TTC39C: variants seen among roughly 807,000 people sequenced by gnomAD.
TTC39C encodes the protein tetratricopeptide repeat domain 39C.
Under a neutral mutation model 76.3 loss-of-function variants are expected in TTC39C, and 33 were observed. That is an observed-to-expected ratio of 0.43 (90% CI 0.33 to 0.58). The LOEUF is 0.58. TTC39C is among the 20% of genes least tolerant of loss of function. The pLI is 0.04. For synonymous variants in TTC39C, 254 were observed against 260.6 expected, an observed-to-expected ratio of 0.97 and a Z score of 0.24; for missense variants, 595 against 701.4, an observed-to-expected ratio of 0.85 and a Z score of 1.71.
intron 6 of TTC39C, among the ~76,000 whole-genome samples, chr18:24,109,258 A>T (rs889370842): frequency 1.3e-5 from 2 of 151,304 alleles, no homozygotes; most frequent in Non-Finnish European, 2.9e-5. Context: ...CAGGAGGCTG[A>T]GGTGGGAGGA....
At chr18:24,045,909 ATATATATATATATATATATTTTTTTTTTT>A (rs2083867280) in intron 1 of TTC39C, among the ~76,000 whole-genome samples, 1 of 38,128 alleles carries the variant, frequency 2.6e-5, no homozygotes, top group Non-Finnish European at 4.0e-5. Context: ...ATATATATAT[ATATATATATATATATATATTTTTTTTTTT>A]TTTTTTTTTT....
intron 6 of TTC39C, among the ~76,000 whole-genome samples, chr18:24,097,755 T>G (rs1391397034): frequency 2.0e-5 from 3 of 152,348 alleles, no homozygotes. Context: ...TTTTGTAAAG[T>G]GTCAGTGATT....
At chr18:24,112,625 T>A (rs867266336) in intron 6 of TTC39C, among the ~76,000 whole-genome samples, 2 of 152,212 alleles carry the variant, frequency 1.3e-5, no homozygotes, top group Non-Finnish European at 2.9e-5. Flanking sequence ...AGTAAATGTT[T>A]CCTGATTAAT....
rs369325287 is a variant in TTC39C at position 24,125,557 on chromosome 18, A to C, written c.1420+7A>C. 13 of 1,613,936 alleles carry C rather than the reference A, an allele frequency of 8.1e-6. No individual in the cohort carries two copies. The highest frequency in any genetic ancestry group is 1.3e-5 in the African/African-American group (1 of 74,902). ...CTGCAGAGGATGAGTCAAGGTAAAA[A>C]ATTTAAAAAAACCCAAAACTGTCTA... On this transcript the variant is annotated splice_region_variant and intron_variant, in intron 10 of 13. Transcript: ENST00000317571.
intron 1 of TTC39C, among the ~76,000 whole-genome samples, chr18:24,030,811 C>T (rs1249706577): frequency 1.3e-5 from 2 of 152,144 alleles, no homozygotes; most frequent in African/African-American, 4.8e-5. Flanking sequence ...CCCACCACTA[C>T]GCCCGGCTAA....
At chr18:24,043,274 A>G (rs1290598972) in intron 1 of TTC39C, among the ~76,000 whole-genome samples, 1 of 151,990 alleles carries the variant, frequency 6.6e-6, no homozygotes, top group Admixed American at 6.6e-5. Context: ...AGGTGGGAGG[A>G]TTGCTTAAGT....
intron 1 of TTC39C, among the ~76,000 whole-genome samples, chr18:24,051,104 A>G (rs1180675613): frequency 6.6e-6 from 1 of 152,094 alleles, no homozygotes; most frequent in Non-Finnish European, 1.5e-5. Context: ...CTCATTAATG[A>G]TCTACCTGTA....
intron 4 of TTC39C, among the ~76,000 whole-genome samples, chr18:24,073,632 C>T (rs2084267942): frequency 6.6e-6 from 1 of 152,158 alleles, no homozygotes; most frequent in South Asian, 2.1e-4. Flanking sequence ...CCTCTTGCCT[C>T]AGCCTCCTGA....
At chr18:24,019,105 T>G (rs1373402415) in intron 1 of TTC39C, among the ~76,000 whole-genome samples, 2 of 152,194 alleles carry the variant, frequency 1.3e-5, no homozygotes, top group African/African-American at 4.8e-5. Flanking sequence ...AACAGAGGAC[T>G]GGCAGTAATG....
chr18:24,092,092 C>CA (rs74171390), intron 6 of TTC39C, among the ~76,000 whole-genome samples: 4 of 67,600 alleles, frequency 5.9e-5, no homozygotes, highest in East Asian at 5.3e-4. Context: ...GACTCAGTCT[C>CA]AAAAAAAAAA....
At chr18:24,081,314 G>T (rs754659623) in intron 5 of TTC39C, among the ~76,000 whole-genome samples, 4 of 152,132 alleles carry the variant, frequency 2.6e-5, no homozygotes, top group Non-Finnish European at 5.9e-5. Context: ...TTCTTATAAA[G>T]AATTCTCACA....
intron 6 of TTC39C, among the ~76,000 whole-genome samples, chr18:24,101,528 C>T (rs1393332357): frequency 6.6e-6 from 1 of 150,706 alleles, no homozygotes. Context: ...CACTGCACTC[C>T]AGCCTGGCGA....
At chr18:24,086,309 G>A (rs1005778099) in intron 6 of TTC39C, among the ~76,000 whole-genome samples, 2 of 152,168 alleles carry the variant, frequency 1.3e-5, no homozygotes, top group South Asian at 4.1e-4. Context: ...GTGTAAGCTT[G>A]CTAACATGCA....
intron 10 of TTC39C, among the ~76,000 whole-genome samples, chr18:24,127,475 C>T (rs137858200): frequency 2.5e-4 from 38 of 152,242 alleles, no homozygotes; most frequent in Admixed American, 7.2e-4. Flanking sequence ...ACCCACCTGC[C>T]CTTCTCCACT....
At chr18:24,001,255 T>C (rs1197489596) in intron 1 of TTC39C, among the ~76,000 whole-genome samples, 1 of 152,186 alleles carries the variant, frequency 6.6e-6, no homozygotes, top group Non-Finnish European at 1.5e-5. Context: ...AAAAGCAGGG[T>C]TCTTACCTGC....
At chr18:24,117,390 C>G (rs2084907611) in intron 7 of TTC39C, among the ~76,000 whole-genome samples, 1 of 152,064 alleles carries the variant, frequency 6.6e-6, no homozygotes, top group South Asian at 2.1e-4. Flanking sequence ...GGCTTGCTGT[C>G]TAGATCTTAT....
chr18:24,132,812 G>T lies in TTC39C; in HGVS notation c.*238G>T. The T allele has an allele frequency of 2.6e-6, 1 of 386,944 alleles. No individual in the cohort carries two copies. Among genetic ancestry groups the T allele is most frequent in the Non-Finnish European group, 4.6e-6 (1 of 218,854 alleles). The allele number at this position is 386,944 out of a possible 1,614,324, so 24.0% of individuals were successfully genotyped here. On this transcript the variant is annotated 3_prime_UTR_variant, in exon 14 of 14. Transcript: ENST00000317571. ...ATAATAACTAACCACCTGGGGAGAG[G>T]GTTAAGTGACCTTGCTCAAACGTTT... is the stretch of plus-strand genomic sequence containing the variant.
intron 9 of TTC39C, among the ~76,000 whole-genome samples, chr18:24,124,579 G>A (rs746928520): frequency 9.2e-5 from 14 of 152,288 alleles, no homozygotes; most frequent in South Asian, 4.1e-4. Flanking sequence ...CAATGTTGCC[G>A]TATTACCTTG....
At chr18:24,109,781 G>A (rs1285077184) in intron 6 of TTC39C, among the ~76,000 whole-genome samples, 2 of 152,200 alleles carry the variant, frequency 1.3e-5, no homozygotes, top group African/African-American at 2.4e-5. Flanking sequence ...GAGGGAGGCG[G>A]ATCACTTGAG....
Sources: gnomAD v4.1 joint callset for allele counts (sites outside exome capture counted in the v4.1 genomes callset) on GRCh38, gnomAD v4.1.1 for gene constraint, MANE v1.5 for transcripts, NCBI Gene and HGNC (gene_info 2026-07-23, HGNC 2026-07-21) for gene names.